ANKRD17: variants seen among roughly 807,000 people sequenced by gnomAD.
ANKRD17 encodes ankyrin repeat domain-containing protein 17.
Under a neutral mutation model 229.7 loss-of-function variants are expected in ANKRD17, and 19 were observed. The observed-to-expected ratio is 0.08, with a 90% CI of 0.06 to 0.12. ANKRD17 has a LOEUF of 0.12. Among genes scored for constraint, ANKRD17 ranks in the 10% least tolerant of loss-of-function variants. The pLI is 1.00. For missense variants in ANKRD17, 2,176 were observed against 3,176.8 expected (o/e 0.68, Z 7.57); for synonymous variants, 1,112 against 1,146.1 (o/e 0.97, Z 0.60).
chr4:73,180,867 T>A (rs753632632), intron 1 of ANKRD17, among the ~76,000 whole-genome samples: 8 of 152,202 alleles, frequency 5.3e-5, no homozygotes, highest in African/African-American at 1.9e-4. Context: ...CAATTCTGCT[T>A]AATTTTTTCA....
rs1731302581 is a variant in ANKRD17, at chr4:73,153,765, A to G, written c.1234+115T>C. ...ACTGCAAACACTTATTTAACCTTTA[A>G]TTACATACTATATACTATCATTGTT... On this transcript the variant is annotated intron_variant, in intron 6 of 33. Coordinates refer to ENST00000358602, the MANE Select transcript of ANKRD17 (RefSeq NM_032217.5). The G allele has an allele frequency of 8.7e-6, 6 of 686,624 alleles. No homozygotes were observed. The South Asian group carries it at 3.1e-4, about 35-fold the overall frequency. 42.5% of individuals were successfully genotyped at this position (686,624 alleles called of 1,614,324 possible).
intron 4 of ANKRD17, 71 bp from the exon 5 acceptor site, chr4:73,155,849 A>G (rs1731591435): frequency 3.2e-6 from 5 of 1,551,126 alleles, no homozygotes; most frequent in South Asian, 1.2e-5. Context: ...ACGTATTTAT[A>G]TAACGTCTAC....
At chr4:73,139,317 C>T (rs1209299145) in intron 15 of ANKRD17, among the ~76,000 whole-genome samples, 3 of 152,276 alleles carry the variant, frequency 2.0e-5, no homozygotes, top group Middle Eastern at 3.4e-3. Context: ...CAAGCTAAGC[C>T]AGAAAGCTTC....
chr4:73,243,976 A>G (rs1014815476), intron 1 of ANKRD17, among the ~76,000 whole-genome samples: 3 of 152,174 alleles, frequency 2.0e-5, no homozygotes, highest in Non-Finnish European at 1.5e-5. Flanking sequence ...ACAGTTCTGG[A>G]GACTGTAAGT....
chr4:73,228,239 C>T (rs113166100), intron 1 of ANKRD17, among the ~76,000 whole-genome samples: 7 of 152,138 alleles, frequency 4.6e-5, no homozygotes, highest in African/African-American at 1.2e-4. Context: ...AAGGCTAATA[C>T]GATTTGGTAA....
In ANKRD17 at chr4:73,222,576, A is replaced by G. The variant is rs112214805; in HGVS notation, c.393+35700T>C. The stretch of plus-strand genomic sequence containing the variant: ...ACCGTTTTTAATAGTTAACTGCAGC[A>G]AAGCTTTAGGCTTAGATATGTAAAT... On this transcript the variant is annotated intron_variant, in intron 1 of 33. Transcript: ENST00000358602. Among the ~76,000 whole-genome samples, 370 of 152,328 alleles carry G rather than the reference A, an allele frequency of 2.4e-3. 2 individuals carry two copies. The highest frequency in any genetic ancestry group is 0.016 in the South Asian group (76 of 4,830).
At chr4:73,200,994 G>A (rs375308993) in intron 1 of ANKRD17, among the ~76,000 whole-genome samples, 2 of 94,952 alleles carry the variant, frequency 2.1e-5, no homozygotes, top group Admixed American at 2.8e-4. Context: ...GGGCGGGGGG[G>A]GGGGGAGATT....
At chr4:73,210,132 A>C (rs1281021536) in intron 1 of ANKRD17, among the ~76,000 whole-genome samples, 1 of 152,142 alleles carries the variant, frequency 6.6e-6, no homozygotes, top group Non-Finnish European at 1.5e-5. Context: ...ATTAAAAGGC[A>C]TAACCATGGG....
At chr4:73,231,964 G>A (rs925455309) in intron 1 of ANKRD17, among the ~76,000 whole-genome samples, 1 of 152,194 alleles carries the variant, frequency 6.6e-6, no homozygotes, top group African/African-American at 2.4e-5. Context: ...GAATTTCCAT[G>A]CCCCTTGTCC....
At position 73,147,341 on chromosome 4, in the gene ANKRD17, T is replaced by A. The variant is rs763364493; in HGVS notation, c.1659A>T (p.Leu553=). The A allele has an allele frequency of 6.2e-7, 1 of 1,610,522 alleles. No homozygotes were observed. Among genetic ancestry groups the A allele is most frequent in the Non-Finnish European group, 8.5e-7 (1 of 1,177,932 alleles). ...GTTCTATATCGGCTCCTGCCTTAAT[T>A]AGAAAGTCTGCCACTTCCAGAAAGC... ...CGGFLEVADF[L]IKAGADIELG... is the part of the protein sequence containing the mutation. Residue 553 remains leucine, a synonymous_variant, in exon 9 of 34, where the codon CTA becomes CTT. Transcript: ENST00000358602.
At chr4:73,111,238 T>C (rs749795760) in intron 24 of ANKRD17, among the ~76,000 whole-genome samples, 4 of 152,114 alleles carry the variant, frequency 2.6e-5, no homozygotes, top group Admixed American at 2.0e-4. Flanking sequence ...AGCAATAAAA[T>C]AGAACAATTA....
chr4:73,140,336 CAG>C, intron 14 of ANKRD17, 53 bp from the exon 15 acceptor site: 1 of 1,519,350 alleles, frequency 6.6e-7, no homozygotes. Context: ...ATCCTCATTA[CAG>C]AGTTACTGTT....
At position 73,258,546 on chromosome 4, in the gene ANKRD17, G is replaced by A. The variant is rs769223503; in HGVS notation, c.123C>T (p.Gly41=). The change falls in exon 1 of 34, where the codon GGC becomes GGT. Residue 41 remains glycine, a synonymous_variant. Transcript: ENST00000358602. The part of the protein sequence containing the change: ...AAAEVGGGVG[G]SSRARSASSP... ...ACGAGGCCGAGCGAGCTCTGCTGCT[G>A]CCGCCAACGCCGCCGCCGACCTCCG... is the stretch of plus-strand genomic sequence containing the variant. The A allele has an allele frequency of 4.7e-6, 7 of 1,476,880 alleles. No homozygotes were observed. Among genetic ancestry groups the A allele is most frequent in the South Asian group, 1.3e-5 (1 of 74,784 alleles). 91.5% of individuals were successfully genotyped at this position (1,476,880 alleles called of 1,614,324 possible).
intron 31 of ANKRD17, among the ~76,000 whole-genome samples, chr4:73,078,371 C>A (rs1199299217): frequency 6.7e-6 from 1 of 150,228 alleles, no homozygotes; most frequent in African/African-American, 2.5e-5. Context: ...AGCGAGACTC[C>A]GTCTCAAAAA....
intron 24 of ANKRD17, among the ~76,000 whole-genome samples, chr4:73,109,047 C>T (rs1724982428): frequency 6.6e-6 from 1 of 152,136 alleles, no homozygotes; most frequent in South Asian, 2.1e-4. Flanking sequence ...GCCTGTTATT[C>T]CCAGCACTTT....
chr4:73,173,299 T>C (rs1048714332), intron 2 of ANKRD17, among the ~76,000 whole-genome samples: 1 of 152,184 alleles, frequency 6.6e-6, no homozygotes, highest in African/African-American at 2.4e-5. Flanking sequence ...CAAAGCTATA[T>C]AAATACTAGA....
At chr4:73,084,831 A>G (rs1011894677) in intron 30 of ANKRD17, among the ~76,000 whole-genome samples, 1 of 152,162 alleles carries the variant, frequency 6.6e-6, no homozygotes, top group African/African-American at 2.4e-5. Flanking sequence ...TGTATTCTCA[A>G]AACTAAAAGT....
At chr4:73,120,829 T>A in intron 20 of ANKRD17, 52 bp downstream of exon 20, 1 of 1,509,454 alleles carries the variant, frequency 6.6e-7, no homozygotes, top group Non-Finnish European at 9.1e-7. Context: ...CTACTATATA[T>A]CTTAAATATC....
At chr4:73,077,238 AATT>A (rs1560485648) in intron 32 of ANKRD17, 114 bp downstream of exon 32, 2 of 1,310,174 alleles carry the variant, frequency 1.5e-6, no homozygotes, top group South Asian at 3.5e-5. Flanking sequence ...GAAATCTAAA[AATT>A]ATTACCCATT....
Sources: allele counts gnomAD v4.1 joint callset (sites outside exome capture counted in the v4.1 genomes callset), GRCh38; gene constraint gnomAD v4.1.1; transcripts MANE v1.5; gene names NCBI Gene and HGNC (gene_info 2026-07-23, HGNC 2026-07-21).